MYO10: variants seen among roughly 807,000 people sequenced by gnomAD.
The protein encoded by MYO10 is myosin X, also known as unconventional myosin-X.
MYO10 carries 133 observed loss-of-function variants against 257.3 expected under a neutral mutation model. That is an observed-to-expected ratio of 0.52 (90% CI 0.45 to 0.60). The LOEUF (loss-of-function observed/expected upper bound fraction) is 0.60. Ranked by LOEUF, MYO10 falls within the 20% of genes least tolerant of loss-of-function variation. The pLI is 0.00. For missense variants in MYO10, 2,399 were observed against 2,635.7 expected (o/e 0.91, Z 1.97); for synonymous variants, 1,104 against 1,028.6 (o/e 1.07, Z -1.40).
At chr5:16,913,143 CTT>C (rs1374860420) in intron 1 of MYO10, among the ~76,000 whole-genome samples, 2 of 149,454 alleles carry the variant, frequency 1.3e-5, no homozygotes, top group African/African-American at 2.5e-5. Context: ...AAAACAAACT[CTT>C]TTCTCACTTC....
In MYO10 at chr5:16,673,905, T is replaced by G. The variant is rs1290276856; in HGVS notation, c.4965-16A>C. Reference sequence around the variant, plus strand: ...TTCCCGTATCCTAGGAGGCAAACACTAACTGTTAATTTTTAGACTGATGGG... The same window carrying G: ...TTCCCGTATCCTAGGAGGCAAACACGAACTGTTAATTTTTAGACTGATGGG... On this transcript the variant is annotated splice_polypyrimidine_tract_variant and intron_variant, in intron 35 of 40. Coordinates refer to ENST00000513610, the MANE Select transcript of MYO10 (RefSeq NM_012334.3). The G allele has an allele frequency of 1.2e-6, 2 of 1,610,722 alleles. No individual in the cohort carries two copies. The highest frequency in any genetic ancestry group is 1.3e-5 in the African/African-American group (1 of 74,778).
chr5:16,919,925 A>T (rs976116624), intron 1 of MYO10, among the ~76,000 whole-genome samples: 3 of 152,222 alleles, frequency 2.0e-5, no homozygotes, highest in Non-Finnish European at 4.4e-5. Flanking sequence ...ATCCTGGCCA[A>T]CATGGTGAAA....
rs147550086 is a variant in MYO10, at chr5:16,750,762, G to A, written c.1929+4066C>T. Among the ~76,000 whole-genome samples, 398 of 152,238 alleles carry A rather than the reference G, an allele frequency of 2.6e-3. 4 individuals carry two copies. The highest frequency in any genetic ancestry group is 9.2e-3 in the African/African-American group (383 of 41,534). On this transcript the variant is annotated intron_variant, in intron 19 of 40. Transcript: ENST00000513610. ...TGTAATCCCAGCACTTTGGGAGGCC[G>A]AGGCAAGGAGATCACCTGAGGTCAA... is the stretch of plus-strand genomic sequence containing the variant.
intron 19 of MYO10, 112 bp from the exon 20 acceptor site, chr5:16,711,357 C>T (rs1223341517): frequency 1.1e-5 from 12 of 1,115,110 alleles, no homozygotes; most frequent in Middle Eastern, 2.1e-4. Context: ...AAAACACATA[C>T]GAGAATCTTG....
chr5:16,689,063 T>C (rs556658132), intron 28 of MYO10, among the ~76,000 whole-genome samples: 2 of 152,330 alleles, frequency 1.3e-5, no homozygotes, highest in African/African-American at 2.4e-5. Context: ...CAAATGTTTT[T>C]AAGAAGTTCA....
chr5:16,700,338 A>AG (rs1191715018), intron 25 of MYO10, among the ~76,000 whole-genome samples: 1 of 152,198 alleles, frequency 6.6e-6, no homozygotes, highest in Non-Finnish European at 1.5e-5. Flanking sequence ...TTGTAAAAAA[A>AG]GGGAAGGAAG....
intron 4 of MYO10, among the ~76,000 whole-genome samples, chr5:16,790,310 T>C (rs1426283054): frequency 6.6e-6 from 1 of 152,084 alleles, no homozygotes; most frequent in Non-Finnish European, 1.5e-5. Flanking sequence ...CTGTGCTGGG[T>C]ACCAGGCTGC....
At chr5:16,913,955 T>C (rs1453726925) in intron 1 of MYO10, among the ~76,000 whole-genome samples, 1 of 152,034 alleles carries the variant, frequency 6.6e-6, no homozygotes. Context: ...CTCAGCCCCT[T>C]TTATGGGATT....
chr5:16,889,474 AGAAAGAAG>A (rs1220869571), intron 1 of MYO10, among the ~76,000 whole-genome samples: 7 of 133,268 alleles, frequency 5.3e-5, no homozygotes, highest in African/African-American at 1.2e-4. Context: ...AGGGAAGAAA[AGAAAGAAG>A]GAAGGAAGGA....
chr5:16,827,943 G>A (rs59386542), intron 2 of MYO10, among the ~76,000 whole-genome samples: 50,168 of 151,948 alleles, frequency 0.33, 8,729 homozygotes, highest in East Asian at 0.41. Context: ...ACAGCACAGG[G>A]AGAGTTCAAT....
At chr5:16,744,276 G>GT (rs1740109010) in intron 19 of MYO10, among the ~76,000 whole-genome samples, 2 of 152,174 alleles carry the variant, frequency 1.3e-5, no homozygotes, top group Admixed American at 1.3e-4. Context: ...ACATGTAGCT[G>GT]TATCATGTCC....
chr5:16,735,599 G>A (rs1739761122), intron 19 of MYO10, among the ~76,000 whole-genome samples: 1 of 151,666 alleles, frequency 6.6e-6, no homozygotes, highest in Non-Finnish European at 1.5e-5. Context: ...CCAGCTACAT[G>A]GGAGGACTGT....
chr5:16,766,337 T>C (rs1230804808), intron 10 of MYO10, 139 bp from the exon 11 acceptor site: 3 of 668,818 alleles, frequency 4.5e-6, no homozygotes, highest in East Asian at 2.7e-5. Flanking sequence ...AAGTTACTCA[T>C]TCCCTTAGTG....
chr5:16,705,778 C>T (rs1034844656), intron 21 of MYO10, among the ~76,000 whole-genome samples: 21 of 152,160 alleles, frequency 1.4e-4, no homozygotes, highest in African/African-American at 5.1e-4. Context: ...GACTCACAGC[C>T]GTACCTATTC....
intron 10 of MYO10, among the ~76,000 whole-genome samples, chr5:16,767,405 C>T (rs971556999): frequency 2.6e-5 from 4 of 151,694 alleles, no homozygotes; most frequent in East Asian, 3.9e-4. Flanking sequence ...CCTGACCTCA[C>T]GTGATCCACC....
At chr5:16,860,357 T>C (rs1580083942) in intron 2 of MYO10, among the ~76,000 whole-genome samples, 1 of 152,128 alleles carries the variant, frequency 6.6e-6, no homozygotes, top group Non-Finnish European at 1.5e-5. Flanking sequence ...GAAGAAAGAC[T>C]TTCCAATTGA....
At chr5:16,754,276 G>A (rs938655934) in intron 19 of MYO10, among the ~76,000 whole-genome samples, 5 of 151,800 alleles carry the variant, frequency 3.3e-5, no homozygotes, top group Non-Finnish European at 5.9e-5. Context: ...CCTTGTAATC[G>A]GATTATGAAA....
chr5:16,853,456 C>G (rs1004362040), intron 2 of MYO10, among the ~76,000 whole-genome samples: 2 of 152,140 alleles, frequency 1.3e-5, no homozygotes, highest in East Asian at 1.9e-4. Context: ...AAGATTCCTA[C>G]ACTTCTACAA....
chr5:16,892,923 C>T (rs1346152743), intron 1 of MYO10, among the ~76,000 whole-genome samples: 3 of 152,118 alleles, frequency 2.0e-5, no homozygotes, highest in East Asian at 1.9e-4. Flanking sequence ...AGGCCAGGCA[C>T]GGTGGCTCAC....
Sources: allele counts gnomAD v4.1 joint callset (sites outside exome capture counted in the v4.1 genomes callset), GRCh38; gene constraint gnomAD v4.1.1; transcripts MANE v1.5; gene names NCBI Gene and HGNC (gene_info 2026-07-23, HGNC 2026-07-21).